Variants in ITPR3 observed in about 807,000 individuals in gnomAD.
ITPR3 encodes the protein inositol 1,4,5-trisphosphate receptor type 3, also known as inositol 1,4,5-trisphosphate-gated calcium channel ITPR3.
A neutral mutation model predicts 293.2 loss-of-function variants in ITPR3; 173 were observed. The ratio of observed to expected loss-of-function variants is 0.59; its 90% CI spans 0.52 to 0.67. The LOEUF is 0.67. Among genes scored for constraint, ITPR3 ranks in the 30% least tolerant of loss-of-function variants. The pLI, the probability that ITPR3 is intolerant of heterozygous loss-of-function variation, is 0.00. For missense variants in ITPR3, 2,796 were observed against 3,592.1 expected (o/e 0.78, Z 5.66); for synonymous variants, 1,295 against 1,444.4 (o/e 0.90, Z 2.35).
intron 56 of ITPR3, 87 bp from the exon 57 acceptor site, chr6:33,694,834 CAGA>C (rs1445684447): frequency 2.9e-5 from 44 of 1,510,260 alleles, no homozygotes; most frequent in Non-Finnish European, 3.9e-5. Flanking sequence ...AAGGGTGTGG[CAGA>C]AGCCTCCCCC....
Position 33,675,087 on chromosome 6 carries a change from C to T in ITPR3, c.3117-604C>T, listed in dbSNP as rs2127292342. Among the ~76,000 whole-genome samples, 1 of 152,120 alleles carries T rather than the reference C, an allele frequency of 6.6e-6. No homozygotes were observed. The highest frequency in any genetic ancestry group is 1.9e-4 in the East Asian group (1 of 5,192). On this transcript the variant is annotated intron_variant, in intron 24 of 57. Coordinates refer to ENST00000605930, the MANE Select transcript of ITPR3 (RefSeq NM_002224.4). This position sits in a 1 kb window ranked among gnomAD's most constrained non-coding sequence, Gnocchi z 5.0. ...TCTGTTCATGGGCCCCGCTTCTATC[C>T]ATGAATCCCCCGCATGGTGGCAGTG...
chr6:33,664,992 T>TGGGGGG lies in ITPR3; in HGVS notation c.1248+27_1248+28insGGGGGG. 1 of 645,786 alleles carries TGGGGGG rather than the reference T, an allele frequency of 1.5e-6. No individual in the cohort carries two copies. Among genetic ancestry groups the TGGGGGG allele is most frequent in the Non-Finnish European group, 2.6e-6 (1 of 385,672 alleles). The allele number at this position is 645,786 out of a possible 1,614,324, so 40.0% of individuals were successfully genotyped here. On this transcript the variant is annotated intron_variant, in intron 12 of 57. Transcript: ENST00000605930. The surrounding 1 kb of genome is among the most constrained non-coding windows in gnomAD (Gnocchi z 4.4). ...ATGGTGCGTGTCCCTGGGGTGGGGG[T>TGGGGGG]GGGGCTGGGGCCAGGGCCGGAGCTT...
Position 33,638,903 on chromosome 6 carries a change from A to G in ITPR3, c.90-1581A>G, listed in dbSNP as rs1387432552. Among the ~76,000 whole-genome samples, 2 of 152,156 alleles carry G rather than the reference A, an allele frequency of 1.3e-5. No individual in the cohort carries two copies. Among genetic ancestry groups the G allele is most frequent in the Non-Finnish European group, 2.9e-5 (2 of 68,028 alleles). On this transcript the variant is annotated intron_variant, in intron 1 of 57. Transcript: ENST00000605930. The surrounding 1 kb of genome is among the most constrained non-coding windows in gnomAD (Gnocchi z 4.3). ...AGCAGAGCTGAGGGTGGAAGGATGG[A>G]GTTTTGCTAGGCCTGTGGCTTCATG...
rs757832118 is a variant in ITPR3 at position 33,684,727 on chromosome 6, C to T, written c.5137+39C>T. The T allele has an allele frequency of 3.1e-6, 5 of 1,611,374 alleles. No individual in the cohort carries two copies. In the East Asian group the frequency reaches 6.7e-5, roughly 22 times the overall value. ...TCCCCTGCCCCCGGGCCCTCCCTTC[C>T]ACTCTCCTGTCACACCAGCTCTCCC... is the stretch of plus-strand genomic sequence containing the variant. On this transcript the variant is annotated intron_variant, in intron 38 of 57. Transcript: ENST00000605930. The surrounding 1 kb of genome is among the most constrained non-coding windows in gnomAD (Gnocchi z 4.2).
In ITPR3 at chr6:33,658,816, C is replaced by A; in HGVS notation, c.516C>A (p.Ser172Arg). ...LFIQPFWKLR[S>R]NGDNVVVGDK... ...TCCAGCCCTTCTGGAAGCTGCGGAG[C>A]AACGGGGACAACGTGAGGGCAGGGC... Residue 172 changes from serine (S) to arginine (R), a missense_variant, in exon 5 of 58, where the codon AGC becomes AGA. Ser to Arg is a moderately radical substitution (Grantham distance 110). Coordinates refer to ENST00000605930, the MANE Select transcript of ITPR3 (RefSeq NM_002224.4). The surrounding 1 kb of genome is among the most constrained non-coding windows in gnomAD (Gnocchi z 6.1). 6.2e-7 allele frequency: 1 copy of A among 1,614,108 alleles called. No homozygotes were observed. The highest frequency in any genetic ancestry group is 8.5e-7 in the Non-Finnish European group (1 of 1,180,012).
In ITPR3 at chr6:33,669,151, C is replaced by A; in HGVS notation, c.2184C>A (p.Tyr728Ter). ...GNAHDENVLS[Y>*]YRYQLKLFAR... The stretch of plus-strand genomic sequence containing the variant: ...CCCACGACGAGAATGTGCTCAGCTA[C>A]TACAGGTGCCCCGCCCCAGCTCCTC... Residue 728 changes from tyrosine (Y) to a stop codon, truncating the protein, a stop_gained, in exon 18 of 58, where the codon TAC (tyrosine) becomes TAA (stop). Coordinates refer to ENST00000605930, the MANE Select transcript of ITPR3 (RefSeq NM_002224.4). LOFTEE classifies it high-confidence loss of function. 6.2e-7 allele frequency: 1 copy of A among 1,613,232 alleles called. No homozygotes were observed. The highest frequency in any genetic ancestry group is 8.5e-7 in the Non-Finnish European group (1 of 1,179,612).
intron 41 of ITPR3, 33 bp downstream of exon 41, chr6:33,685,860 C>A: frequency 6.5e-7 from 1 of 1,549,286 alleles, no homozygotes; most frequent in Non-Finnish European, 8.7e-7. Flanking sequence ...GCCCCTTCCC[C>A]CGCTGGCCAG....
At position 33,671,197 on chromosome 6, in the gene ITPR3, C is replaced by A; in HGVS notation, c.2619C>A (p.Phe873Leu). The change falls in exon 21 of 58, where the codon TTC becomes TTA. Residue 873 changes from phenylalanine (F) to leucine (L), a missense_variant. By Grantham distance (22) the Phe-to-Leu change is conservative (BLOSUM62 0). Transcript: ENST00000605930. ...VVSLAHNLIY[F>L]GFYSFSELLR... is the part of the protein sequence containing the mutation. ...GCCTGGCGCACAATCTCATCTACTT[C>A]GGCTTCTACAGCTTCAGCGAGCTGC... The A allele has an allele frequency of 2.5e-6, 4 of 1,613,780 alleles. No individual in the cohort carries two copies. Among genetic ancestry groups the A allele is most frequent in the Non-Finnish European group, 3.4e-6 (4 of 1,179,948 alleles).
At chr6:33,677,901 C>T (rs1764953427) in intron 28 of ITPR3, among the ~76,000 whole-genome samples, 1 of 152,170 alleles carries the variant, frequency 6.6e-6, no homozygotes, top group African/African-American at 2.4e-5. Context: ...TTTCTTCCCC[C>T]TCTCCAGCCT....
At position 33,672,870 on chromosome 6, in the gene ITPR3, C is replaced by A. The variant is rs73408252; in HGVS notation, c.2928+642C>A. 6.6e-6 allele frequency among the ~76,000 whole-genome samples: 1 copy of A among 152,150 alleles called. No homozygotes were observed. The highest frequency in any genetic ancestry group is 6.5e-5 in the Admixed American group (1 of 15,282). On this transcript the variant is annotated intron_variant, in intron 22 of 57. Transcript: ENST00000605930. This position sits in a 1 kb window ranked among gnomAD's most constrained non-coding sequence, Gnocchi z 5.0. ...GCAGTCATCCCTGTTGTGGTCTCAT[C>A]TGAGACTCCCCAGCCACACCCCAGG...
chr6:33,648,667 C>T (rs368522094), intron 2 of ITPR3, among the ~76,000 whole-genome samples: 20 of 151,834 alleles, frequency 1.3e-4, no homozygotes, highest in African/African-American at 4.8e-4. Context: ...TCATGGCTCA[C>T]TGCAGCCTGG....
chr6:33,661,601 A>G (rs1270261133), intron 7 of ITPR3, among the ~76,000 whole-genome samples: 2 of 152,210 alleles, frequency 1.3e-5, no homozygotes, highest in African/African-American at 4.8e-5. Context: ...TATAATCCTC[A>G]CAATTTCTGC....
chr6:33,671,138 C>T (rs1257784574), intron 20 of ITPR3, 27 bp from the exon 21 acceptor site: 1 of 1,612,070 alleles, frequency 6.2e-7, no homozygotes, highest in African/African-American at 1.3e-5. Flanking sequence ...CCCCTCCCAC[C>T]TCACCTCGGC....
intron 23 of ITPR3, 44 bp from the exon 24 acceptor site, chr6:33,674,164 G>A (rs201148120): frequency 2.6e-5 from 42 of 1,610,836 alleles, no homozygotes; most frequent in Middle Eastern, 1.7e-4. Context: ...CCTCTTTCCC[G>A]GGCTGGGCCT....
chr6:33,656,602 G>A (rs888396874), intron 3 of ITPR3, among the ~76,000 whole-genome samples: 4 of 152,176 alleles, frequency 2.6e-5, no homozygotes, highest in Non-Finnish European at 4.4e-5. Flanking sequence ...CATGTGGATC[G>A]TGCCATGATG....
chr6:33,665,880 T>C lies in ITPR3; in HGVS notation c.1455T>C (p.Asp485=). ...LLEDLVFFVS[D]VPNNGQNVLD... is the part of the protein sequence containing the mutation. Reference sequence around the variant, plus strand: ...AAGACCTGGTGTTCTTTGTCAGCGATGTCCCCAACAATGGGCAGAATGTCC... The same window carrying C: ...AAGACCTGGTGTTCTTTGTCAGCGACGTCCCCAACAATGGGCAGAATGTCC... The change falls in exon 14 of 58, where the codon GAT becomes GAC. Residue 485 remains aspartate, a synonymous_variant. Coordinates refer to ENST00000605930, the MANE Select transcript of ITPR3 (RefSeq NM_002224.4). 1 of 1,614,208 alleles carries C rather than the reference T, an allele frequency of 6.2e-7. No individual in the cohort carries two copies. Among genetic ancestry groups the C allele is most frequent in the East Asian group, 2.2e-5 (1 of 44,874 alleles).
Position 33,673,456 on chromosome 6 carries a change from G to C in ITPR3, c.2929-135G>C, listed in dbSNP as rs1764821440. The C allele has an allele frequency of 5.4e-6, 6 of 1,107,060 alleles. No homozygotes were observed. In the South Asian group the frequency reaches 9.0e-5, roughly 17 times the overall value. The allele number at this position is 1,107,060 out of a possible 1,614,324, so 68.6% of individuals were successfully genotyped here. A position where few individuals can be genotyped will look rare whatever the true frequency, so the allele number is the denominator to read the frequency against. ...CTGGAGCATCCCAAATGACTGTGCT[G>C]AGGACCCTGCTGCCCCAAGTGCTAG... On this transcript the variant is annotated intron_variant, in intron 22 of 57. Transcript: ENST00000605930.
In ITPR3 at chr6:33,621,754, G is replaced by C. The variant is rs1032493245; in HGVS notation, c.89+63G>C. The C allele has an allele frequency of 2.5e-5, 32 of 1,289,570 alleles. No homozygotes were observed. Among genetic ancestry groups the C allele is most frequent in the Non-Finnish European group, 3.5e-5 (32 of 910,862 alleles). 79.9% of individuals were successfully genotyped at this position (1,289,570 alleles called of 1,614,324 possible). On this transcript the variant is annotated intron_variant, in intron 1 of 57. Coordinates refer to ENST00000605930, the MANE Select transcript of ITPR3 (RefSeq NM_002224.4). The surrounding 1 kb of genome is among the most constrained non-coding windows in gnomAD (Gnocchi z 7.7). The stretch of plus-strand genomic sequence containing the variant: ...GGGGGCGCCGTGGGCCCTGGTGCCA[G>C]CTGCGTGCGTCCAGCCGCCGCCCCC...
chr6:33,659,954 T>A (rs1335957232), intron 7 of ITPR3, among the ~76,000 whole-genome samples: 2 of 152,104 alleles, frequency 1.3e-5, no homozygotes, highest in Non-Finnish European at 2.9e-5. Flanking sequence ...GGCTGCCCTG[T>A]CTGCTGAGTT....
Sources: allele counts gnomAD v4.1 joint callset (sites outside exome capture counted in the v4.1 genomes callset), GRCh38; gene constraint gnomAD v4.1.1; non-coding constraint Gnocchi (gnomAD v3.1); transcripts MANE v1.5; gene names NCBI Gene and HGNC (gene_info 2026-07-23, HGNC 2026-07-21).